KCNH7: variants seen among roughly 807,000 people sequenced by gnomAD.
KCNH7 encodes potassium voltage-gated channel subfamily H member 7.
KCNH7 carries 49 observed loss-of-function variants against 120.8 expected under a neutral mutation model. That is an observed-to-expected ratio of 0.41 (90% CI 0.32 to 0.51). KCNH7 has a LOEUF of 0.51. KCNH7 is among the 20% of genes least tolerant of loss of function. The pLI is 0.38. For missense variants in KCNH7, 1,097 were observed against 1,446.6 expected (o/e 0.76, Z 3.92); for synonymous variants, 547 against 516.1 (o/e 1.06, Z -0.81).
At chr2:162,712,099 G>T (rs533000168) in intron 2 of KCNH7, among the ~76,000 whole-genome samples, 1 of 152,088 alleles carries the variant, frequency 6.6e-6, no homozygotes, top group East Asian at 1.9e-4. Flanking sequence ...CTCTTTACAC[G>T]GCACTTAAAG....
intron 2 of KCNH7, among the ~76,000 whole-genome samples, chr2:162,560,356 T>C (rs796490661): frequency 6.6e-6 from 1 of 152,158 alleles, no homozygotes. Context: ...CTTCTAACTG[T>C]AACATCGGAA....
intron 13 of KCNH7, among the ~76,000 whole-genome samples, chr2:162,381,518 G>T (rs1239161749): frequency 1.3e-5 from 2 of 151,994 alleles, no homozygotes; most frequent in African/African-American, 2.4e-5. Context: ...TGAACATAAA[G>T]AAATTTCTCA....
At chr2:162,630,293 G>C (rs772975972) in intron 2 of KCNH7, among the ~76,000 whole-genome samples, 2 of 151,984 alleles carry the variant, frequency 1.3e-5, no homozygotes, top group African/African-American at 2.4e-5. Context: ...GGAGCATAAA[G>C]GTTCAAAATG....
intron 2 of KCNH7, among the ~76,000 whole-genome samples, chr2:162,547,568 C>G (rs1692521017): frequency 6.6e-6 from 1 of 151,942 alleles, no homozygotes; most frequent in African/African-American, 2.4e-5. Context: ...TCAAAAGAAC[C>G]CTAAGGAAGT....
intron 2 of KCNH7, among the ~76,000 whole-genome samples, chr2:162,567,910 CA>C (rs1236609967): frequency 6.6e-6 from 1 of 151,932 alleles, no homozygotes; most frequent in Non-Finnish European, 1.5e-5. Context: ...TTTAGATAGA[CA>C]AATACTTACC....
intron 2 of KCNH7, among the ~76,000 whole-genome samples, chr2:162,594,779 G>T (rs1182203634): frequency 6.6e-6 from 1 of 151,874 alleles, no homozygotes; most frequent in Non-Finnish European, 1.5e-5. Context: ...TATACTGGAG[G>T]ATATATATAG....
chr2:162,487,367 A>C (rs1003261822), intron 6 of KCNH7, among the ~76,000 whole-genome samples: 1 of 152,162 alleles, frequency 6.6e-6, no homozygotes, highest in Non-Finnish European at 1.5e-5. Context: ...ATATTTTCCA[A>C]GTTTGCCTGA....
chr2:162,501,639 G>A (rs559565420), intron 6 of KCNH7, among the ~76,000 whole-genome samples: 118 of 152,074 alleles, frequency 7.8e-4, no homozygotes, highest in African/African-American at 2.8e-3. Context: ...GCCTGATGAG[G>A]GCTTGCTTCC....
intron 2 of KCNH7, among the ~76,000 whole-genome samples, chr2:162,754,677 G>A (rs947616615): frequency 6.6e-6 from 1 of 152,106 alleles, no homozygotes; most frequent in South Asian, 2.1e-4. Flanking sequence ...AAGAGAGTAC[G>A]AGATTTAAGA....
chr2:162,749,897 A>C, intron 2 of KCNH7, among the ~76,000 whole-genome samples: 1 of 152,214 alleles, frequency 6.6e-6, no homozygotes. Context: ...CATGAAGGTA[A>C]AATGAAATAA....
intron 2 of KCNH7, among the ~76,000 whole-genome samples, chr2:162,734,045 A>G (rs1687817877): frequency 6.6e-6 from 1 of 152,152 alleles, no homozygotes; most frequent in African/African-American, 2.4e-5. Flanking sequence ...GGCAGTGACT[A>G]TAATTTGAAT....
intron 2 of KCNH7, among the ~76,000 whole-genome samples, chr2:162,712,434 CACTTTCTCTTCT>C (rs1686959977): frequency 6.6e-6 from 1 of 152,124 alleles, no homozygotes; most frequent in African/African-American, 2.4e-5. Context: ...AAACCCCTTC[CACTTTCTCTTCT>C]AGTTTTTCAT....
chr2:162,729,197 G>T (rs1436994257), intron 2 of KCNH7, among the ~76,000 whole-genome samples: 2 of 127,068 alleles, frequency 1.6e-5, no homozygotes, highest in Admixed American at 9.2e-5. Flanking sequence ...ACAGAGTCTC[G>T]CTCTCTCGCC....
At chr2:162,612,712 G>C (rs1473751442) in intron 2 of KCNH7, among the ~76,000 whole-genome samples, 1 of 151,956 alleles carries the variant, frequency 6.6e-6, no homozygotes, top group East Asian at 1.9e-4. Context: ...ATAATTTAGT[G>C]ACTGAGTATA....
At chr2:162,586,207 T>C (rs891259933) in intron 2 of KCNH7, among the ~76,000 whole-genome samples, 1 of 152,060 alleles carries the variant, frequency 6.6e-6, no homozygotes. Context: ...CCACTCTCCT[T>C]GAATCTGGGC....
At chr2:162,753,211 A>T (rs556505484) in intron 2 of KCNH7, among the ~76,000 whole-genome samples, 1 of 152,018 alleles carries the variant, frequency 6.6e-6, no homozygotes, top group Admixed American at 6.5e-5. Context: ...TTGCTGGGGT[A>T]GTTTTGATAT....
chr2:162,666,550 G>A (rs1347432537), intron 2 of KCNH7, among the ~76,000 whole-genome samples: 1 of 151,980 alleles, frequency 6.6e-6, no homozygotes, highest in Non-Finnish European at 1.5e-5. Context: ...AAAACCTAGG[G>A]TGCTTTTTCT....
intron 13 of KCNH7, 75 bp from the exon 14 acceptor site, chr2:162,380,096 G>T: frequency 1.3e-6 from 2 of 1,524,202 alleles, no homozygotes; most frequent in Middle Eastern, 1.7e-4. Flanking sequence ...ATATCCACAA[G>T]ACAAGCTGGA....
At chr2:162,821,283 C>T (rs1321655583) in intron 2 of KCNH7, among the ~76,000 whole-genome samples, 1 of 152,184 alleles carries the variant, frequency 6.6e-6, no homozygotes, top group Non-Finnish European at 1.5e-5. Context: ...TACTATGGTT[C>T]ACAAAACGGT....
Sources: gnomAD v4.1 joint callset for allele counts (sites outside exome capture counted in the v4.1 genomes callset) on GRCh38, gnomAD v4.1.1 for gene constraint, MANE v1.5 for transcripts, NCBI Gene and HGNC (gene_info 2026-07-23, HGNC 2026-07-21) for gene names.